The following SH3PXD2B variants were observed in gnomAD, a reference collection of about 807,000 sequenced individuals.
The protein encoded by SH3PXD2B is SH3 and PX domains 2B, also known as SH3 and PX domain-containing protein 2B.
A neutral mutation model predicts 73.1 loss-of-function variants in SH3PXD2B; 37 were observed. That is an observed-to-expected ratio of 0.51 (90% CI 0.39 to 0.67). The LOEUF is 0.67. Among genes scored for constraint, SH3PXD2B ranks in the 30% least tolerant of loss-of-function variants. The pLI is 0.00. For synonymous variants in SH3PXD2B, 457 were observed against 480.5 expected (o/e 0.95, Z 0.64); for missense variants, 1,053 against 1,197.8 (o/e 0.88, Z 1.78).
At position 172,337,464 on chromosome 5, in the gene SH3PXD2B, A is replaced by C. The variant is rs993982163; in HGVS notation, c.*905T>G. The C allele has an allele frequency of 4.1e-6, 4 of 984,090 alleles. No individual in the cohort carries two copies. In the African/African-American group the frequency reaches 7.0e-5, roughly 17 times the overall value. 61.0% of individuals were successfully genotyped at this position (984,090 alleles called of 1,614,324 possible). Reference sequence around the variant, plus strand: ...TTGTGAGGGTCAAAGCATGAATGCAAAGCGCCAAGTACAGTGTTTGGCACC... The same window carrying C: ...TTGTGAGGGTCAAAGCATGAATGCACAGCGCCAAGTACAGTGTTTGGCACC... On this transcript the variant is annotated 3_prime_UTR_variant, in exon 13 of 13. Coordinates refer to ENST00000311601, the MANE Select transcript of SH3PXD2B (RefSeq NM_001017995.3).
intron 4 of SH3PXD2B, among the ~76,000 whole-genome samples, chr5:172,390,176 C>A (rs1758149283): frequency 6.6e-6 from 1 of 152,198 alleles, no homozygotes; most frequent in Admixed American, 6.5e-5. Flanking sequence ...AAATGTCCCC[C>A]AACCTAATTT....
intron 12 of SH3PXD2B, among the ~76,000 whole-genome samples, chr5:172,344,274 G>C (rs1317829493): frequency 6.6e-6 from 1 of 152,126 alleles, no homozygotes; most frequent in Non-Finnish European, 1.5e-5. Flanking sequence ...GAAAAACAGA[G>C]CATATGGATC....
rs74855203 is a variant in SH3PXD2B at position 172,421,011 on chromosome 5, T to G, written c.156+1405A>C. On this transcript the variant is annotated intron_variant, in intron 2 of 12. Transcript: ENST00000311601. This position sits in a 1 kb window ranked among gnomAD's most constrained non-coding sequence, Gnocchi z 4.0. ...TACATCCGCGAAAAAACCTCCTGTT[T>G]ACTTCAGCCAGCTTCAGTTGGGTTT... Among the ~76,000 whole-genome samples, 2,393 of 152,280 alleles carry G rather than the reference T, an allele frequency of 0.016. 56 individuals carry two copies. The highest frequency in any genetic ancestry group is 0.055 in the African/African-American group (2,265 of 41,546).
chr5:172,335,140 A>C lies in SH3PXD2B; in HGVS notation c.*3229T>G. 1.0e-6 allele frequency: 1 copy of C among 988,066 alleles called. No homozygotes were observed. 61.2% of individuals were successfully genotyped at this position (988,066 alleles called of 1,614,324 possible). On this transcript the variant is annotated 3_prime_UTR_variant, in exon 13 of 13. Transcript: ENST00000311601. ...TTTATCAAGAGGTGGTCTTAGACTCAGGGTTTTCCAAATTTTTGGAGGTAC... is the reference window on the plus strand; with the variant it reads ...TTTATCAAGAGGTGGTCTTAGACTCCGGGTTTTCCAAATTTTTGGAGGTAC...
intron 12 of SH3PXD2B, among the ~76,000 whole-genome samples, 163 bp from the exon 13 acceptor site, chr5:172,340,079 T>A (rs1009895205): frequency 6.6e-6 from 1 of 152,232 alleles, no homozygotes; most frequent in African/African-American, 2.4e-5. Flanking sequence ...GATGTTACCA[T>A]GTTCCGGGAA....
intron 5 of SH3PXD2B, among the ~76,000 whole-genome samples, chr5:172,381,427 T>C (rs1422389195): frequency 3.3e-5 from 5 of 152,250 alleles, no homozygotes; most frequent in African/African-American, 1.2e-4. Flanking sequence ...TGTTGGTGCG[T>C]AAGTGCGGGT....
intron 2 of SH3PXD2B, among the ~76,000 whole-genome samples, chr5:172,420,425 C>T (rs1381003988): frequency 6.6e-6 from 1 of 152,054 alleles, no homozygotes; most frequent in Non-Finnish European, 1.5e-5. Context: ...ATTATTTCCC[C>T]TCCCCCTACA....
At chr5:172,447,419 C>T (rs1216240338) in intron 1 of SH3PXD2B, among the ~76,000 whole-genome samples, 1 of 152,190 alleles carries the variant, frequency 6.6e-6, no homozygotes, top group Non-Finnish European at 1.5e-5. Flanking sequence ...ATCTTTGCAT[C>T]TCTACTGATG....
intron 1 of SH3PXD2B, among the ~76,000 whole-genome samples, chr5:172,427,405 G>C (rs1759120766): frequency 6.6e-6 from 1 of 152,138 alleles, no homozygotes; most frequent in Non-Finnish European, 1.5e-5. Flanking sequence ...GAGTATGGTG[G>C]TGTGATCATA....
intron 6 of SH3PXD2B, among the ~76,000 whole-genome samples, chr5:172,366,725 C>G (rs529644291): frequency 6.6e-6 from 1 of 151,830 alleles, no homozygotes; most frequent in Admixed American, 6.6e-5. Flanking sequence ...CTCTGCCTCC[C>G]GGGTGCAAGT....
chr5:172,411,783 CTG>C (rs1425648843), intron 2 of SH3PXD2B, among the ~76,000 whole-genome samples: 3 of 151,328 alleles, frequency 2.0e-5, no homozygotes, highest in African/African-American at 7.3e-5. Flanking sequence ...TTTTAGTAGT[CTG>C]TAAGGCTGTG....
At chr5:172,391,087 C>T (rs1010514756) in intron 4 of SH3PXD2B, among the ~76,000 whole-genome samples, 11 of 152,026 alleles carry the variant, frequency 7.2e-5, no homozygotes, top group African/African-American at 2.7e-4. Flanking sequence ...GTGATCCACC[C>T]GCCTCAGCCT....
At chr5:172,332,888 C>A (rs192814491), downstream of SH3PXD2B, among the ~76,000 whole-genome samples, 19 of 151,266 alleles carry the variant, frequency 1.3e-4, no homozygotes, top group Non-Finnish European at 1.3e-4. Flanking sequence ...GCAGTCTCTG[C>A]GGCCCAAATG....
At chr5:172,390,815 T>TGTGTGTG (rs1758168687) in intron 4 of SH3PXD2B, among the ~76,000 whole-genome samples, 240 of 139,986 alleles carry the variant, frequency 1.7e-3, no homozygotes, top group African/African-American at 6.2e-3. Flanking sequence ...TTCCCGTCTT[T>TGTGTGTG]TGTGTGTGTG....
intron 8 of SH3PXD2B, 66 bp downstream of exon 8, chr5:172,358,707 C>A: frequency 1.4e-6 from 2 of 1,445,962 alleles, no homozygotes; most frequent in South Asian, 1.2e-5. Flanking sequence ...GATGAAAAGG[C>A]AACCCAGTAT....
In SH3PXD2B at chr5:172,334,210, C is replaced by A. The variant is rs1419562353; in HGVS notation, c.*4159G>T. 3.7e-6 allele frequency: 4 copies of A among 1,094,788 alleles called. No homozygotes were observed. Among genetic ancestry groups the A allele is most frequent in the Non-Finnish European group, 4.4e-6 (4 of 899,074 alleles). The allele number at this position is 1,094,788 out of a possible 1,614,324, so 67.8% of individuals were successfully genotyped here. On this transcript the variant is annotated 3_prime_UTR_variant, in exon 13 of 13. Transcript: ENST00000311601. ...GAATAGCACCAGAAACCAGATGCCA[C>A]CCCACGGAGCTGGGCAGTCCAGTCT...
chr5:172,347,604 C>T (rs908303376), intron 10 of SH3PXD2B, among the ~76,000 whole-genome samples: 3 of 146,226 alleles, frequency 2.1e-5, no homozygotes, highest in Non-Finnish European at 2.9e-5. Flanking sequence ...GGAAATTCTC[C>T]AGAAAGGGCA....
Position 172,368,613 on chromosome 5 carries a change from ATG to A in SH3PXD2B, c.427+5175_427+5176del, listed in dbSNP as rs1757614117. ...AAAATATGTTATATATATAATATAT[ATG>A]TTATATATATATATAATATATATGT... On this transcript the variant is annotated intron_variant, in intron 6 of 12. Coordinates refer to ENST00000311601, the MANE Select transcript of SH3PXD2B (RefSeq NM_001017995.3). 1.0e-4 allele frequency among the ~76,000 whole-genome samples: 2 copies of A among 19,976 alleles called. 1 individual carries two copies. The highest frequency in any genetic ancestry group is 6.8e-4 in the African/African-American group (2 of 2,928). The allele number at this position is 19,976 out of a possible 152,430, so 13.1% of individuals were successfully genotyped here.
At chr5:172,389,800 T>C (rs1758138811) in intron 4 of SH3PXD2B, among the ~76,000 whole-genome samples, 1 of 152,146 alleles carries the variant, frequency 6.6e-6, no homozygotes, top group Non-Finnish European at 1.5e-5. Flanking sequence ...AAAGAGCAGA[T>C]GCCAATCAGG....
Sources: gnomAD v4.1 joint callset for allele counts (sites outside exome capture counted in the v4.1 genomes callset) on GRCh38, gnomAD v4.1.1 for gene constraint, Gnocchi (gnomAD v3.1) non-coding constraint, MANE v1.5 for transcripts, NCBI Gene and HGNC (gene_info 2026-07-23, HGNC 2026-07-21) for gene names.